Variants in RTTN observed in about 807,000 individuals in gnomAD.
RTTN encodes the protein rotatin.
A neutral mutation model predicts 269.2 loss-of-function variants in RTTN; 182 were observed. The observed-to-expected ratio is 0.68, with a 90% CI of 0.60 to 0.76. The LOEUF (loss-of-function observed/expected upper bound fraction) is 0.76. Among genes scored for constraint, RTTN ranks in the 30% least tolerant of loss-of-function variants. The pLI is 0.00. For missense variants in RTTN, 2,545 were observed against 2,608.6 expected, an observed-to-expected ratio of 0.98 and a Z score of 0.53; for synonymous variants, 1,006 against 963.5, an observed-to-expected ratio of 1.04 and a Z score of -0.82.
chr18:70,065,781 C>T (rs1197280998), intron 35 of RTTN, 48 bp downstream of exon 35: 2 of 1,288,726 alleles, frequency 1.6e-6, no homozygotes, highest in Non-Finnish European at 2.2e-6. Context: ...TCTGGACCAA[C>T]TTGTCATTTT....
chr18:70,201,533 G>C (rs1173781002), intron 4 of RTTN, among the ~76,000 whole-genome samples: 1 of 147,082 alleles, frequency 6.8e-6, no homozygotes, highest in African/African-American at 2.5e-5. Flanking sequence ...GCGTGAACCC[G>C]GGAGGCGGAG....
chr18:70,010,274 CA>C (rs1322428379), intron 46 of RTTN, among the ~76,000 whole-genome samples: 1 of 152,212 alleles, frequency 6.6e-6, no homozygotes, highest in Non-Finnish European at 1.5e-5. Flanking sequence ...CCCAAATCAA[CA>C]GAGTATACAT....
At chr18:70,092,650 A>T (rs1489999883) in intron 29 of RTTN, 26 bp downstream of exon 29, 12 of 1,604,184 alleles carry the variant, frequency 7.5e-6, no homozygotes, top group African/African-American at 1.3e-5. Flanking sequence ...AAATGTTCAG[A>T]AGATAGACAG....
At chr18:70,145,812 T>C (rs769790192) in intron 17 of RTTN, 29 bp from the exon 18 acceptor site, 1 of 1,556,608 alleles carries the variant, frequency 6.4e-7, no homozygotes, top group Non-Finnish European at 8.7e-7. Context: ...TAAGTCGAAC[T>C]TTCGTGATAT....
intron 32 of RTTN, among the ~76,000 whole-genome samples, chr18:70,080,621 T>C (rs898844384): frequency 2.6e-5 from 4 of 152,048 alleles, no homozygotes; most frequent in South Asian, 2.1e-4. Context: ...GTAATAAACA[T>C]AGAAAGAAAT....
Position 70,135,294 on chromosome 18 carries a change from A to G in RTTN, c.2789-14T>C. On this transcript the variant is annotated splice_polypyrimidine_tract_variant and intron_variant, in intron 21 of 48. Coordinates refer to ENST00000640769, the MANE Select transcript of RTTN (RefSeq NM_173630.4). ...ATATTAAGGAAACTGAATAAAAAGA[A>G]GCACAACTTTATGAAATATTTGTAC... The G allele has an allele frequency of 3.6e-6, 5 of 1,392,892 alleles. No individual in the cohort carries two copies. Among genetic ancestry groups the G allele is most frequent in the African/African-American group, 1.5e-5 (1 of 66,550 alleles). 86.3% of individuals were successfully genotyped at this position (1,392,892 alleles called of 1,614,324 possible).
rs1248804963 is a variant in RTTN, at chr18:70,073,921, G to A, written c.4638C>T (p.Ser1546=). Residue 1546 remains serine (S), a synonymous_variant, in exon 34 of 49, where the codon TCC becomes TCT. Coordinates refer to ENST00000640769, the MANE Select transcript of RTTN (RefSeq NM_173630.4). ...TSQDRDPSSL[S]TSETTVAPSL... ...TTGCAAGTACCGTTGTTTCTGAGGT[G>A]GAGAGAGAACTTGGATCTCGATCCT... 4 of 1,610,634 alleles carry A rather than the reference G, an allele frequency of 2.5e-6. No individual in the cohort carries two copies. The African/African-American group carries it at 4.0e-5, about 16-fold the overall frequency.
At chr18:70,018,034 G>A (rs1038841269) in intron 45 of RTTN, among the ~76,000 whole-genome samples, 2 of 152,086 alleles carry the variant, frequency 1.3e-5, no homozygotes, top group South Asian at 4.1e-4. Flanking sequence ...CTACCCTATG[G>A]AAGGAAAAAA....
At chr18:70,150,315 CCTAA>C (rs2145792906) in intron 15 of RTTN, among the ~76,000 whole-genome samples, 1 of 152,034 alleles carries the variant, frequency 6.6e-6, no homozygotes, top group Admixed American at 6.6e-5. Context: ...TAAAAATTTC[CCTAA>C]CTGAAATAAT....
chr18:70,082,868 T>A (rs774629225), intron 32 of RTTN, among the ~76,000 whole-genome samples: 16 of 151,838 alleles, frequency 1.1e-4, no homozygotes, highest in African/African-American at 3.1e-4. Context: ...ATTTTTAAAA[T>A]TTTTTTTAGA....
At chr18:70,070,359 A>G (rs748133005) in intron 34 of RTTN, among the ~76,000 whole-genome samples, 7 of 152,214 alleles carry the variant, frequency 4.6e-5, no homozygotes, top group African/African-American at 7.2e-5. Flanking sequence ...TCTCTCCATC[A>G]TCACACAAAC....
intron 23 of RTTN, among the ~76,000 whole-genome samples, chr18:70,133,592 C>T (rs566184100): frequency 8.5e-6 from 1 of 117,116 alleles, no homozygotes; most frequent in South Asian, 3.7e-4. Flanking sequence ...GCAACATGGA[C>T]AAATCTCTCC....
chr18:70,086,566 TTAATTTGAAA>T (rs2058703138), intron 32 of RTTN, 37 bp downstream of exon 32: 1 of 1,372,390 alleles, frequency 7.3e-7, no homozygotes, highest in East Asian at 2.3e-5. Flanking sequence ...TTATCACCAA[TTAATTTGAAA>T]CATCTACTAG....
At chr18:70,203,256 A>G (rs529783051) in intron 3 of RTTN, among the ~76,000 whole-genome samples, 2 of 151,942 alleles carry the variant, frequency 1.3e-5, no homozygotes, top group South Asian at 4.2e-4. Context: ...CTGGAGTGCA[A>G]TGGAGTGATC....
At chr18:70,198,695 T>A (rs961916018) in intron 5 of RTTN, among the ~76,000 whole-genome samples, 1 of 152,220 alleles carries the variant, frequency 6.6e-6, no homozygotes, top group African/African-American at 2.4e-5. Flanking sequence ...ATTGGATCAG[T>A]GGTACCCAAC....
chr18:70,167,363 A>G (rs2061015596), intron 12 of RTTN, among the ~76,000 whole-genome samples: 1 of 152,206 alleles, frequency 6.6e-6, no homozygotes, highest in African/African-American at 2.4e-5. Flanking sequence ...ATTTTATTAT[A>G]AACCTGCCTC....
At chr18:70,023,676 C>T (rs2056770660) in intron 44 of RTTN, among the ~76,000 whole-genome samples, 1 of 152,188 alleles carries the variant, frequency 6.6e-6, no homozygotes, top group South Asian at 2.1e-4. Context: ...CTCAATCTCT[C>T]CAGCTACCAC....
chr18:70,031,931 C>A (rs1037815779), intron 40 of RTTN, among the ~76,000 whole-genome samples: 1 of 152,010 alleles, frequency 6.6e-6, no homozygotes, highest in Non-Finnish European at 1.5e-5. Context: ...GTTGAAAAGG[C>A]AAGGAACAAA....
At chr18:70,129,299 A>G (rs1599690563) in intron 23 of RTTN, 1 of 152,184 alleles carries the variant, frequency 6.6e-6, no homozygotes, top group South Asian at 2.1e-4. Flanking sequence ...TGTATATGGA[A>G]CAAAACATGG....
Sources: allele counts gnomAD v4.1 joint callset (sites outside exome capture counted in the v4.1 genomes callset), GRCh38; gene constraint gnomAD v4.1.1; transcripts MANE v1.5; gene names NCBI Gene and HGNC (gene_info 2026-07-23, HGNC 2026-07-21).